The following CSMD1 variants were observed in gnomAD, a reference collection of about 807,000 sequenced individuals.
CSMD1 encodes the protein CUB and sushi domain-containing protein 1.
In CSMD1, 213 loss-of-function variants were observed where a neutral mutation model predicts 417.5. That is an observed-to-expected ratio of 0.51 (90% CI 0.46 to 0.57). CSMD1 has a LOEUF of 0.57. Ranked by LOEUF, CSMD1 falls within the 20% of genes least tolerant of loss-of-function variation. The pLI, the probability that CSMD1 is intolerant of heterozygous loss-of-function variation, is 0.00. For synonymous variants in CSMD1, 2,862 were observed against 1,736.8 expected (o/e 1.65, Z -16.11); for missense variants, 6,923 against 4,529.7 (o/e 1.53, Z -15.17).
intron 1 of CSMD1, among the ~76,000 whole-genome samples, chr8:4,668,615 A>G (rs770474484): frequency 2.6e-5 from 4 of 151,640 alleles, no homozygotes; most frequent in South Asian, 4.2e-4. Context: ...ACGCCTGGCT[A>G]ATTTTTTTGC....
chr8:4,062,303 C>A (rs1396961256), intron 3 of CSMD1, among the ~76,000 whole-genome samples: 1 of 152,042 alleles, frequency 6.6e-6, no homozygotes, highest in South Asian at 2.1e-4. Context: ...AGCATGTCAA[C>A]TGGGGACTTC....
At chr8:4,159,029 C>A (rs1796996068) in intron 3 of CSMD1, among the ~76,000 whole-genome samples, 1 of 152,140 alleles carries the variant, frequency 6.6e-6, no homozygotes, top group South Asian at 2.1e-4. Context: ...GATTCTCCTG[C>A]CTCAGCCTCC....
At chr8:4,322,084 A>G (rs1344630354) in intron 3 of CSMD1, among the ~76,000 whole-genome samples, 1 of 152,208 alleles carries the variant, frequency 6.6e-6, no homozygotes, top group African/African-American at 2.4e-5. Context: ...GACTGAAATG[A>G]ACTCTTTAAT....
At chr8:4,735,893 T>C (rs1810202416) in intron 1 of CSMD1, among the ~76,000 whole-genome samples, 1 of 152,200 alleles carries the variant, frequency 6.6e-6, no homozygotes, top group South Asian at 2.1e-4. Flanking sequence ...GCTACTGCTT[T>C]ACTAGAGATT....
intron 5 of CSMD1, among the ~76,000 whole-genome samples, chr8:3,936,872 AAC>A (rs1226872444): frequency 6.6e-6 from 1 of 152,202 alleles, no homozygotes; most frequent in African/African-American, 2.4e-5. Context: ...GACAAGGTAA[AAC>A]AAAACCCTTT....
At chr8:3,962,569 G>A (rs1326723876) in intron 5 of CSMD1, among the ~76,000 whole-genome samples, 12 of 152,182 alleles carry the variant, frequency 7.9e-5, no homozygotes, top group Admixed American at 2.0e-4. Flanking sequence ...GATTTCACAC[G>A]AGGAGTAAGC....
At chr8:3,690,890 ATAAAT>A (rs1800199697) in intron 7 of CSMD1, among the ~76,000 whole-genome samples, 2 of 152,344 alleles carry the variant, frequency 1.3e-5, no homozygotes, top group South Asian at 2.1e-4. Flanking sequence ...TAATGTATAA[ATAAAT>A]TAAATAACAA....
chr8:4,242,589 G>A (rs867549469), intron 3 of CSMD1, among the ~76,000 whole-genome samples: 7 of 152,146 alleles, frequency 4.6e-5, no homozygotes, highest in Admixed American at 6.5e-5. Flanking sequence ...GTTAATGAAT[G>A]TATCTACAAA....
At position 4,044,879 on chromosome 8, in the gene CSMD1, G is replaced by A. The variant is rs61455362; in HGVS notation, c.416-12780C>T. On this transcript the variant is annotated intron_variant, in intron 3 of 69. Coordinates refer to ENST00000635120, the MANE Select transcript of CSMD1 (RefSeq NM_033225.6). ...GGACTGCACCATCCTGAACTTTGCA[G>A]CCCTCAGGCCCAGACTGACTTCTCC... 8.7e-3 allele frequency among the ~76,000 whole-genome samples: 1,324 copies of A among 152,336 alleles called. 18 individuals are homozygous for A. The highest frequency in any genetic ancestry group is 0.028 in the African/African-American group (1,166 of 41,576).
chr8:4,124,626 C>T (rs1411429721), intron 3 of CSMD1, among the ~76,000 whole-genome samples: 1 of 152,138 alleles, frequency 6.6e-6, no homozygotes, highest in Admixed American at 6.5e-5. Context: ...AGCCAGACCT[C>T]ACTGGCAAGG....
Position 4,030,684 on chromosome 8 carries a change from C to T in CSMD1, c.610+1221G>A, listed in dbSNP as rs566609847. 9.2e-5 allele frequency among the ~76,000 whole-genome samples: 14 copies of T among 152,314 alleles called. No individual in the cohort carries two copies. In the South Asian group the frequency reaches 2.7e-3, roughly 29 times the overall value. ...GGGATTAACTTTTGGCTTCTTGTTA[C>T]TTATACAAATTTCTGCAGTTGGCTT... On this transcript the variant is annotated intron_variant, in intron 4 of 69. Transcript: ENST00000635120.
chr8:4,327,753 C>A (rs1446878790), intron 3 of CSMD1, among the ~76,000 whole-genome samples: 4 of 152,204 alleles, frequency 2.6e-5, no homozygotes, highest in Admixed American at 2.6e-4. Context: ...AACATTGTTA[C>A]ATACATTATT....
intron 69 of CSMD1, among the ~76,000 whole-genome samples, chr8:2,941,437 T>G (rs1217583758): frequency 6.6e-6 from 1 of 152,236 alleles, no homozygotes; most frequent in Non-Finnish European, 1.5e-5. Flanking sequence ...TTTCAGGGGA[T>G]CATAATTTAT....
chr8:3,551,271 AT>A (rs1331952378), intron 10 of CSMD1, among the ~76,000 whole-genome samples: 5 of 152,162 alleles, frequency 3.3e-5, no homozygotes, highest in Admixed American at 6.5e-5. Context: ...CTTGTGGCAT[AT>A]TTTCTGTACT....
At chr8:4,438,573 G>C (rs993520228) in intron 2 of CSMD1, among the ~76,000 whole-genome samples, 6 of 152,144 alleles carry the variant, frequency 3.9e-5, no homozygotes, top group Non-Finnish European at 8.8e-5. Flanking sequence ...CGGGAGTGTG[G>C]GGAGCCCTGC....
chr8:4,707,213 G>A (rs1563185030), intron 1 of CSMD1, among the ~76,000 whole-genome samples: 1 of 152,166 alleles, frequency 6.6e-6, no homozygotes, highest in Non-Finnish European at 1.5e-5. Context: ...TGTTGTTAAA[G>A]GCTTTCTATA....
At chr8:3,538,845 C>T (rs1310187544) in intron 10 of CSMD1, among the ~76,000 whole-genome samples, 1 of 152,174 alleles carries the variant, frequency 6.6e-6, no homozygotes, top group Non-Finnish European at 1.5e-5. Flanking sequence ...TGGAGTGCTG[C>T]TGCGGTCTTC....
At chr8:4,661,844 GAATGTT>G (rs1304200407) in intron 1 of CSMD1, among the ~76,000 whole-genome samples, 8 of 152,204 alleles carry the variant, frequency 5.3e-5, no homozygotes, top group Non-Finnish European at 1.2e-4. Flanking sequence ...AGAAGTTGTA[GAATGTT>G]AATGTTATCA....
At chr8:4,533,884 T>C (rs1366756758) in intron 2 of CSMD1, among the ~76,000 whole-genome samples, 1 of 149,642 alleles carries the variant, frequency 6.7e-6, no homozygotes, top group African/African-American at 2.4e-5. Context: ...TATAAATAAA[T>C]ATATGTAATT....
Sources: allele counts gnomAD v4.1 joint callset (sites outside exome capture counted in the v4.1 genomes callset), GRCh38; gene constraint gnomAD v4.1.1; transcripts MANE v1.5; gene names NCBI Gene and HGNC (gene_info 2026-07-23, HGNC 2026-07-21).